USP36: variants seen among roughly 807,000 people sequenced by gnomAD.
USP36 encodes the protein ubiquitin carboxyl-terminal hydrolase 36.
Under a neutral mutation model 111.5 loss-of-function variants are expected in USP36, and 59 were observed. The ratio of observed to expected loss-of-function variants is 0.53; its 90% CI spans 0.43 to 0.66. The LOEUF (loss-of-function observed/expected upper bound fraction) is 0.66, where lower values mean the gene tolerates loss of function less well. USP36 is among the 30% of genes least tolerant of loss of function. The probability of loss-of-function intolerance (pLI) is 0.00; values close to 1 mark genes in which losing one functional copy is unlikely to be tolerated. For synonymous variants in USP36, 628 were observed against 581.0 expected, an observed-to-expected ratio of 1.08 and a Z score of -1.16; for missense variants, 1,488 against 1,468.0, an observed-to-expected ratio of 1.01 and a Z score of -0.22.
At chr17:78,831,850 A>T (rs1306683616) in intron 4 of USP36, among the ~76,000 whole-genome samples, 1 of 149,764 alleles carries the variant, frequency 6.7e-6, no homozygotes, top group Non-Finnish European at 1.5e-5. Context: ...TTGGGAGGCT[A>T]AGGTGGGAGG....
intron 3 of USP36, among the ~76,000 whole-genome samples, chr17:78,790,453 G>C (rs576251315): frequency 1.3e-5 from 2 of 152,218 alleles, no homozygotes; most frequent in Non-Finnish European, 2.9e-5. Context: ...ACGAGGCCCG[G>C]CTAATTTTTT....
chr17:78,827,075 C>T, intron 6 of USP36, 170 bp downstream of exon 6: 1 of 758,566 alleles, frequency 1.3e-6, no homozygotes. Context: ...AGGGCAATCC[C>T]CTATTTGGGC....
intron 10 of USP36, 42 bp downstream of exon 10, chr17:78,818,625 G>A (rs892594574): frequency 1.5e-5 from 24 of 1,560,952 alleles, no homozygotes; most frequent in Non-Finnish European, 2.1e-5. Flanking sequence ...GATGCCGACT[G>A]TGGCCCACGG....
At chr17:78,822,129 C>CCA in intron 6 of USP36, 125 bp from the exon 7 acceptor site, 1 of 1,035,924 alleles carries the variant, frequency 9.7e-7, no homozygotes, top group South Asian at 1.4e-5. Context: ...CTCCACCCCC[C>CCA]ACCCGAGTCA....
At chr17:78,831,932 G>A (rs1399566343) in intron 4 of USP36, among the ~76,000 whole-genome samples, 7 of 121,192 alleles carry the variant, frequency 5.8e-5, no homozygotes, top group African/African-American at 2.2e-4. Flanking sequence ...GACAGAGTGA[G>A]AGCTTGTCTC....
chr17:78,813,631 G>T, intron 12 of USP36, 142 bp downstream of exon 12: 1 of 708,978 alleles, frequency 1.4e-6, no homozygotes, highest in Non-Finnish European at 2.4e-6. Context: ...GTCCTTCCCT[G>T]TGGACGGTCT....
intron 4 of USP36, among the ~76,000 whole-genome samples, chr17:78,833,043 G>A (rs557634432): frequency 1.4e-4 from 22 of 152,152 alleles, no homozygotes; most frequent in African/African-American, 5.3e-4. Context: ...AGCTACTTGG[G>A]AGGCTGAGGC....
intron 6 of USP36, among the ~76,000 whole-genome samples, chr17:78,823,492 C>G (rs1432754161): frequency 1.3e-5 from 2 of 152,174 alleles, no homozygotes; most frequent in Non-Finnish European, 2.9e-5. Context: ...ACAGCGAGCT[C>G]CCACAGGCAT....
intron 17 of USP36, 48 bp from the exon 18 acceptor site, chr17:78,799,816 C>T: frequency 1.4e-6 from 2 of 1,452,110 alleles, no homozygotes; most frequent in South Asian, 1.3e-5. Context: ...TAAAATAACC[C>T]ACTGGGGAAG....
chr17:78,821,132 C>A lies in USP36; in HGVS notation c.758-71G>T. The A allele has an allele frequency of 4.8e-6, 7 of 1,461,506 alleles. No homozygotes were observed. In the South Asian group the frequency reaches 5.0e-5, roughly 10 times the overall value. 90.5% of individuals were successfully genotyped at this position (1,461,506 alleles called of 1,614,324 possible). A position where few individuals can be genotyped will look rare whatever the true frequency, so the allele number is the denominator to read the frequency against. The stretch of plus-strand genomic sequence containing the variant: ...CACTCCCAGCTCCCAAGACCGAGAC[C>A]CAGCAGGGAGGCAGACTCTCAGCAG... On this transcript the variant is annotated intron_variant, in intron 7 of 20. Transcript: ENST00000449938.
chr17:78,787,542 C>G (rs1252120082), exon 4 of USP36: 1 of 152,176 alleles, frequency 6.6e-6, no homozygotes, highest in African/African-American at 2.4e-5. Context: ...AGTCGCTGAA[C>G]AAATCTCCGT....
chr17:78,810,116 GC>G (rs796237192), intron 13 of USP36, among the ~76,000 whole-genome samples: 1 of 151,836 alleles, frequency 6.6e-6, no homozygotes, highest in Non-Finnish European at 1.5e-5. Context: ...AAAGTGCCCG[GC>G]CCCCCTCTTC....
chr17:78,820,378 C>A (rs2094290441), intron 8 of USP36, among the ~76,000 whole-genome samples: 1 of 152,070 alleles, frequency 6.6e-6, no homozygotes, highest in African/African-American at 2.4e-5. Flanking sequence ...GTGGGAGGAT[C>A]ACTTAAGCCT....
chr17:78,794,275 T>C (rs926284165), downstream of USP36, among the ~76,000 whole-genome samples: 2 of 152,212 alleles, frequency 1.3e-5, no homozygotes, highest in African/African-American at 4.8e-5. Context: ...GAATCCACTA[T>C]CAGCCTCAGG....
chr17:78,816,223 A>G (rs2094185711), intron 10 of USP36, among the ~76,000 whole-genome samples: 1 of 151,452 alleles, frequency 6.6e-6, no homozygotes, highest in South Asian at 2.1e-4. Context: ...GCAGTGGTAC[A>G]TTCATAGCTC....
intron 6 of USP36, among the ~76,000 whole-genome samples, chr17:78,826,321 A>G (rs995387353): frequency 1.3e-5 from 2 of 152,200 alleles, no homozygotes; most frequent in African/African-American, 4.8e-5. Context: ...TGAGGCCAGG[A>G]GTTGGAGACC....
chr17:78,799,794 T>C, intron 17 of USP36, 26 bp from the exon 18 acceptor site: 3 of 1,558,576 alleles, frequency 1.9e-6, no homozygotes, highest in Non-Finnish European at 2.6e-6. Flanking sequence ...CCAAGAAACA[T>C]TTACAGACGT....
At chr17:78,841,304 G>A (rs2069267501), upstream of USP36, 2 of 152,418 alleles carry the variant, frequency 1.3e-5, no homozygotes, top group African/African-American at 2.4e-5. Context: ...GGAGGCGCGG[G>A]CGCTCGGCCT....
At chr17:78,788,972 G>A (rs1388145397) in intron 3 of USP36, among the ~76,000 whole-genome samples, 3 of 152,064 alleles carry the variant, frequency 2.0e-5, no homozygotes, top group Non-Finnish European at 4.4e-5. Flanking sequence ...GGCTGAGGCA[G>A]GCAGATCACG....
Sources: allele counts gnomAD v4.1 joint callset (sites outside exome capture counted in the v4.1 genomes callset), GRCh38; gene constraint gnomAD v4.1.1; transcripts MANE v1.5; gene names NCBI Gene and HGNC (gene_info 2026-07-23, HGNC 2026-07-21).